TMEM156: variants seen among roughly 807,000 people sequenced by gnomAD.
TMEM156 encodes transmembrane protein 156.
TMEM156 carries 28 observed loss-of-function variants against 30.5 expected under a neutral mutation model. The observed-to-expected ratio is 0.92, with a 90% CI of 0.68 to 1.26. The LOEUF is 1.26. TMEM156 is among the 50% of genes most tolerant of loss of function. The pLI, the probability that TMEM156 is intolerant of heterozygous loss-of-function variation, is 0.00. For synonymous variants in TMEM156, 137 were observed against 119.9 expected (o/e 1.14, Z -0.93); for missense variants, 351 against 340.6 (o/e 1.03, Z -0.24).
At chr4:38,972,242 A>ATTTTTTTTTTTTTTTTT (rs144479056) in intron 5 of TMEM156, among the ~76,000 whole-genome samples, 3 of 75,858 alleles carry the variant, frequency 4.0e-5, no homozygotes, top group African/African-American at 6.1e-5. Flanking sequence ...TTCTCTGGGA[A>ATTTTTTTTTTTTTTTTT]TTTTTTTTTT....
intron 5 of TMEM156, among the ~76,000 whole-genome samples, chr4:38,984,915 G>C (rs1711867337): frequency 6.6e-6 from 1 of 152,126 alleles, no homozygotes; most frequent in Non-Finnish European, 1.5e-5. Context: ...AAAGTCACAG[G>C]CTCATAAATA....
chr4:38,989,641 A>G (rs73236688), intron 3 of TMEM156, among the ~76,000 whole-genome samples: 1 of 152,144 alleles, frequency 6.6e-6, no homozygotes, highest in Non-Finnish European at 1.5e-5. Context: ...GATGTTCACC[A>G]TGCAGCAGTA....
At position 38,988,956 on chromosome 4, in the gene TMEM156, T is replaced by A. The variant is rs143325693; in HGVS notation, c.634A>T (p.Met212Leu). 49 of 1,611,564 alleles carry A rather than the reference T, an allele frequency of 3.0e-5. No homozygotes were observed. The African/African-American group carries it at 6.0e-4, about 20-fold the overall frequency. ...EMDIKNITCSMKITWYILVLL... is the reference protein window; with the variant it reads ...EMDIKNITCSLKITWYILVLL... ...ACTAAAATATACCAAGTGATCTTCA[T>A]GGAACAAGTGATATCTGTAAAGAAA... The change falls in exon 4 of 7, where the codon ATG (methionine) becomes TTG (leucine). Residue 212 changes from methionine to leucine, a missense_variant. Physicochemically the swap from Met to Leu is conservative, Grantham distance 15 (BLOSUM62 2). Coordinates refer to ENST00000381938, the MANE Select transcript of TMEM156 (RefSeq NM_024943.3).
intron 1 of TMEM156, among the ~76,000 whole-genome samples, chr4:39,015,543 G>T (rs1714419780): frequency 6.6e-6 from 1 of 152,202 alleles, no homozygotes; most frequent in Non-Finnish European, 1.5e-5. Flanking sequence ...GCCTCCAAAA[G>T]GAACACAGTC....
At chr4:38,987,036 T>C (rs888979537) in intron 4 of TMEM156, among the ~76,000 whole-genome samples, 3 of 152,098 alleles carry the variant, frequency 2.0e-5, no homozygotes, top group African/African-American at 7.2e-5. Context: ...AAGTCTGTCA[T>C]TTGGGCAGAT....
At chr4:39,015,617 C>A (rs1714426796) in intron 1 of TMEM156, among the ~76,000 whole-genome samples, 2 of 152,182 alleles carry the variant, frequency 1.3e-5, no homozygotes, top group African/African-American at 4.8e-5. Flanking sequence ...TACTGTGAGA[C>A]AATACATTTG....
intron 1 of TMEM156, among the ~76,000 whole-genome samples, chr4:39,023,423 G>C (rs757110684): frequency 6.6e-6 from 1 of 152,156 alleles, no homozygotes; most frequent in Non-Finnish European, 1.5e-5. Flanking sequence ...GCCCAAACTT[G>C]AAATAACCCA....
At chr4:38,974,065 G>A (rs1201420834) in intron 5 of TMEM156, among the ~76,000 whole-genome samples, 1 of 23,222 alleles carries the variant, frequency 4.3e-5, no homozygotes, top group Non-Finnish European at 8.7e-5. Context: ...GTGCGTGTGT[G>A]TGTGTGTGTG....
At chr4:38,994,902 C>T (rs1712816905) in intron 2 of TMEM156, among the ~76,000 whole-genome samples, 1 of 151,842 alleles carries the variant, frequency 6.6e-6, no homozygotes, top group Non-Finnish European at 1.5e-5. Context: ...TGCACCACTG[C>T]ACTCCAGCCT....
chr4:39,024,199 C>A (rs1331077135), intron 1 of TMEM156, among the ~76,000 whole-genome samples: 1 of 152,088 alleles, frequency 6.6e-6, no homozygotes, highest in African/African-American at 2.4e-5. Context: ...CCACACCCAG[C>A]TAATTTTTGT....
At chr4:39,017,144 C>A (rs1011063469) in intron 1 of TMEM156, among the ~76,000 whole-genome samples, 13 of 149,402 alleles carry the variant, frequency 8.7e-5, no homozygotes, top group Middle Eastern at 6.8e-3. Flanking sequence ...GGGGACACTG[C>A]CAAACCATAT....
At chr4:39,026,109 A>G (rs1468710251) in intron 1 of TMEM156, among the ~76,000 whole-genome samples, 1 of 152,226 alleles carries the variant, frequency 6.6e-6, no homozygotes, top group African/African-American at 2.4e-5. Context: ...ATTTGGAGAA[A>G]TCAGATAATT....
intron 1 of TMEM156, among the ~76,000 whole-genome samples, chr4:39,009,461 C>A (rs1336465662): frequency 6.6e-6 from 1 of 152,112 alleles, no homozygotes; most frequent in Non-Finnish European, 1.5e-5. Flanking sequence ...AAACTATAGG[C>A]TAATTTCCTT....
chr4:39,011,546 C>T (rs1714119582), intron 1 of TMEM156, among the ~76,000 whole-genome samples: 1 of 152,156 alleles, frequency 6.6e-6, no homozygotes, highest in Non-Finnish European at 1.5e-5. Flanking sequence ...GAAGCCAAGG[C>T]AGGTGAATCA....
intron 1 of TMEM156, among the ~76,000 whole-genome samples, chr4:39,024,873 T>C (rs1302868047): frequency 6.6e-6 from 1 of 152,266 alleles, no homozygotes; most frequent in Non-Finnish European, 1.5e-5. Context: ...ATTATGCCTG[T>C]TAAAAACATA....
intron 3 of TMEM156, 41 bp from the exon 4 acceptor site, chr4:38,989,011 T>C: frequency 6.3e-7 from 1 of 1,590,654 alleles, no homozygotes; most frequent in South Asian, 1.1e-5. Flanking sequence ...AGTAAAATTA[T>C]TCAACAGATA....
intron 2 of TMEM156, among the ~76,000 whole-genome samples, chr4:38,996,500 A>G (rs1432391189): frequency 2.6e-5 from 4 of 152,030 alleles, no homozygotes; most frequent in Non-Finnish European, 4.4e-5. Flanking sequence ...TGAAACTAGG[A>G]GGCAGAGGTT....
chr4:39,020,473 C>A (rs1276520777), intron 1 of TMEM156, among the ~76,000 whole-genome samples: 4 of 152,272 alleles, frequency 2.6e-5, no homozygotes, highest in Admixed American at 2.0e-4. Context: ...TGGCTTCCAG[C>A]GATCCTCCCA....
intron 1 of TMEM156, among the ~76,000 whole-genome samples, chr4:39,024,312 G>A (rs1200828350): frequency 6.6e-6 from 1 of 152,204 alleles, no homozygotes; most frequent in Non-Finnish European, 1.5e-5. Context: ...TGGGATTACA[G>A]GCATGAGCCA....
Sources: allele counts gnomAD v4.1 joint callset (sites outside exome capture counted in the v4.1 genomes callset), GRCh38; gene constraint gnomAD v4.1.1; transcripts MANE v1.5; gene names NCBI Gene and HGNC (gene_info 2026-07-23, HGNC 2026-07-21).